DROSHA: variants seen among roughly 807,000 people sequenced by gnomAD.
DROSHA encodes ribonuclease 3.
DROSHA carries 56 observed loss-of-function variants against 181.9 expected under a neutral mutation model. That is an observed-to-expected ratio of 0.31 (90% CI 0.25 to 0.38). The LOEUF is 0.38. DROSHA is among the 10% of genes least tolerant of loss of function. The pLI is 1.00. For missense variants in DROSHA, 1,218 were observed against 1,743.5 expected (o/e 0.70, Z 5.37); for synonymous variants, 524 against 591.2 (o/e 0.89, Z 1.65).
At chr5:31,465,690 A>G (rs1748916195) in intron 19 of DROSHA, among the ~76,000 whole-genome samples, 2 of 152,080 alleles carry the variant, frequency 1.3e-5, no homozygotes, top group African/African-American at 4.8e-5. Flanking sequence ...TCCCTCAAGA[A>G]TAGCTTGGTG....
chr5:31,428,409 A>T (rs1743739887), intron 27 of DROSHA, among the ~76,000 whole-genome samples: 1 of 152,150 alleles, frequency 6.6e-6, no homozygotes, highest in African/African-American at 2.4e-5. Flanking sequence ...AAAATTTAAG[A>T]TTTGAGAAAA....
chr5:31,483,194 AT>A (rs1179164576), intron 16 of DROSHA, among the ~76,000 whole-genome samples: 1 of 152,160 alleles, frequency 6.6e-6, no homozygotes, highest in African/African-American at 2.4e-5. Context: ...TATTACAGTA[AT>A]TTTTTCAGCA....
intron 16 of DROSHA, among the ~76,000 whole-genome samples, chr5:31,479,782 G>A (rs1750811838): frequency 6.6e-6 from 1 of 151,894 alleles, no homozygotes; most frequent in African/African-American, 2.4e-5. Context: ...AATAGCATAT[G>A]TACGTTCACC....
At chr5:31,425,175 A>C (rs1482865226) in intron 27 of DROSHA, among the ~76,000 whole-genome samples, 1 of 149,824 alleles carries the variant, frequency 6.7e-6, no homozygotes, top group African/African-American at 2.5e-5. Context: ...TGAAATAAAT[A>C]ACAAAAAAAA....
rs528620329 is a variant in DROSHA at position 31,530,384 on chromosome 5, T to C, written c.-47+414A>G. ...GCTACTCACTGCCAACAGAATCAAG[T>C]TCAACCTCTGTGCTTGGCATTTAAG... On this transcript the variant is annotated intron_variant, in intron 3 of 35. Coordinates refer to ENST00000344624, the MANE Select transcript of DROSHA (RefSeq NM_001382508.1). Among the ~76,000 whole-genome samples, 357 of 152,146 alleles carry C rather than the reference T, an allele frequency of 2.3e-3. 1 individual carries two copies. The highest frequency in any genetic ancestry group is 8.5e-3 in the African/African-American group (354 of 41,494).
chr5:31,430,878 A>C (rs1354480948), intron 26 of DROSHA, among the ~76,000 whole-genome samples: 1 of 152,218 alleles, frequency 6.6e-6, no homozygotes, highest in African/African-American at 2.4e-5. Context: ...TTTGAAAGCT[A>C]AAATGTACTT....
chr5:31,468,614 A>G (rs1490326031), intron 17 of DROSHA, among the ~76,000 whole-genome samples: 1 of 152,214 alleles, frequency 6.6e-6, no homozygotes, highest in African/African-American at 2.4e-5. Flanking sequence ...AGAGAGCCTC[A>G]TATTTTTTTC....
intron 20 of DROSHA, among the ~76,000 whole-genome samples, chr5:31,456,358 T>C (rs1747656648): frequency 6.6e-6 from 1 of 152,000 alleles, no homozygotes; most frequent in South Asian, 2.1e-4. Context: ...CTGTCTGCCT[T>C]ATTAACTTGC....
chr5:31,492,331 G>C (rs1181949131), intron 13 of DROSHA, among the ~76,000 whole-genome samples: 7 of 152,110 alleles, frequency 4.6e-5, no homozygotes, highest in Admixed American at 4.6e-4. Context: ...TGACAAAAAG[G>C]GCTAAGCTAA....
At chr5:31,404,366 G>A (rs1038762694) in intron 35 of DROSHA, among the ~76,000 whole-genome samples, 3 of 152,242 alleles carry the variant, frequency 2.0e-5, no homozygotes, top group Middle Eastern at 3.4e-3. Context: ...AACTCTCAGT[G>A]AAGAATCCAT....
intron 13 of DROSHA, among the ~76,000 whole-genome samples, chr5:31,489,443 A>G (rs1420812961): frequency 2.6e-5 from 4 of 152,096 alleles, no homozygotes; most frequent in Non-Finnish European, 5.9e-5. Context: ...CAGACACACA[A>G]ATTTGGAAAG....
intron 11 of DROSHA, among the ~76,000 whole-genome samples, chr5:31,496,186 T>C (rs1291399673): frequency 2.6e-5 from 4 of 152,112 alleles, no homozygotes; most frequent in Admixed American, 6.5e-5. Flanking sequence ...CCTGTAATCA[T>C]AGCACTTTAG....
In DROSHA at chr5:31,424,960, C is replaced by T. The variant is rs373282951; in HGVS notation, c.3217-489G>A. Among the ~76,000 whole-genome samples, 29 of 152,202 alleles carry T rather than the reference C, an allele frequency of 1.9e-4. 1 individual carries two copies. The South Asian group carries it at 5.6e-3, about 29-fold the overall frequency. On this transcript the variant is annotated intron_variant, in intron 27 of 35. Transcript: ENST00000344624. ...AAGATCTTATGTTTATGAGATCATGCTTTTACAGTGGGTCATTACAAATGT... is the reference window on the plus strand; with the variant it reads ...AAGATCTTATGTTTATGAGATCATGTTTTTACAGTGGGTCATTACAAATGT...
At chr5:31,467,755 G>T in intron 18 of DROSHA, 184 bp downstream of exon 18, 1 of 750,694 alleles carries the variant, frequency 1.3e-6, no homozygotes, top group Non-Finnish European at 2.0e-6. Flanking sequence ...ACTCAAATAT[G>T]TACAGAAAAT....
At chr5:31,405,004 A>T (rs1488992165) in intron 35 of DROSHA, among the ~76,000 whole-genome samples, 1 of 152,236 alleles carries the variant, frequency 6.6e-6, no homozygotes, top group Non-Finnish European at 1.5e-5. Flanking sequence ...AATGGCCAAA[A>T]CAAAAAACAG....
intron 26 of DROSHA, among the ~76,000 whole-genome samples, chr5:31,430,482 GATC>G (rs1356420741): frequency 1.3e-5 from 2 of 152,160 alleles, no homozygotes; most frequent in Non-Finnish European, 1.5e-5. Flanking sequence ...CAGATATTAA[GATC>G]ATTATGACAA....
rs897205615 is a variant in DROSHA, at chr5:31,472,105, A to G, written c.2199T>C (p.Tyr733=). Residue 733 remains tyrosine (Y), a synonymous_variant, in exon 17 of 36, where the codon TAT becomes TAC. Coordinates refer to ENST00000344624, the MANE Select transcript of DROSHA (RefSeq NM_001382508.1). ...CAATCATGCCTTTGCATTCTTCTGC[A>G]TATTTCTGCCACTCCAGCTCCTCCC... is the stretch of plus-strand genomic sequence containing the variant. The part of the protein sequence containing the change: ...LQWEELEWQK[Y]AEECKGMIVT... The G allele has an allele frequency of 6.8e-6, 11 of 1,613,932 alleles. No individual in the cohort carries two copies. The highest frequency in any genetic ancestry group is 6.7e-5 in the Admixed American group (4 of 60,018).
rs1742712435 is a variant in DROSHA, at chr5:31,421,882, A to AT, written c.3420-506_3420-505insA. 1.2e-4 allele frequency: 12 copies of AT among 96,736 alleles called. 1 individual carries two copies. The highest frequency in any genetic ancestry group is 3.2e-4 in the South Asian group (1 of 3,150). The allele number at this position is 96,736 out of a possible 1,614,324, so 6.0% of individuals were successfully genotyped here. ...AAACCCCATCTCTACAAAAAAAAAA[A>AT]AAAAAAAAAAAAATATATATATATA... On this transcript the variant is annotated intron_variant, in intron 29 of 35. Transcript: ENST00000344624.
intron 27 of DROSHA, among the ~76,000 whole-genome samples, chr5:31,424,740 A>G (rs1367053552): frequency 6.6e-6 from 1 of 152,164 alleles, no homozygotes; most frequent in South Asian, 2.1e-4. Flanking sequence ...ACTAAGTTAC[A>G]TATTTGGTTA....
Sources: allele counts gnomAD v4.1 joint callset (sites outside exome capture counted in the v4.1 genomes callset), GRCh38; gene constraint gnomAD v4.1.1; transcripts MANE v1.5; gene names NCBI Gene and HGNC (gene_info 2026-07-23, HGNC 2026-07-21).